The following TAB3 variants were observed in gnomAD, a reference collection of about 807,000 sequenced individuals.
The protein encoded by TAB3 is TGF-beta activated kinase 1 (MAP3K7) binding protein 3.
A neutral mutation model predicts 48.1 loss-of-function variants in TAB3; 18 were observed. The ratio of observed to expected loss-of-function variants is 0.37; its 90% CI spans 0.26 to 0.55. The LOEUF (loss-of-function observed/expected upper bound fraction) is 0.55, where lower values mean the gene tolerates loss of function less well. Ranked by LOEUF, TAB3 falls within the 20% of genes least tolerant of loss-of-function variation. The pLI, the probability that TAB3 is intolerant of heterozygous loss-of-function variation, is 0.78. For synonymous variants in TAB3, 185 were observed against 190.2 expected (o/e 0.97, Z 0.22); for missense variants, 414 against 549.8 (o/e 0.75, Z 2.47).
At chrX:30,841,870 G>A (rs956434167) in intron 9 of TAB3, among the ~76,000 whole-genome samples, 3 of 111,965 alleles carry the variant, frequency 2.7e-5, no homozygotes, top group African/African-American at 6.5e-5. Flanking sequence ...GTACAGTGGC[G>A]CGATCTCGGC....
At chrX:30,839,741 A>G (rs7884942) in intron 9 of TAB3, among the ~76,000 whole-genome samples, 9,694 of 109,078 alleles carry the variant, frequency 0.089, 1,051 homozygotes, top group African/African-American at 0.31. Flanking sequence ...AAAAACAAAA[A>G]AGAAATACGG....
Position 30,828,302 on chromosome X carries a change from T to C in TAB3, c.*3125A>G, listed in dbSNP as rs776099611. On this transcript the variant is annotated 3_prime_UTR_variant, in exon 11 of 11. Coordinates refer to ENST00000288422, the MANE Select transcript of TAB3 (RefSeq NM_152787.5). ...AAAATTTAAGGAAACATTGATTTAT[T>C]TGCATAATTAAAAAGTACTAAAATT... 7.9e-5 allele frequency: 9 copies of C among 114,111 alleles called. No individual in the cohort carries two copies. The highest frequency in any genetic ancestry group is 6.6e-4 in the Admixed American group (7 of 10,560). 9.4% of individuals were successfully genotyped at this position (114,111 alleles called of 1,213,427 possible). A position where few individuals can be genotyped will look rare whatever the true frequency, so the allele number is the denominator to read the frequency against.
intron 10 of TAB3, 26 bp from the exon 11 acceptor site, chrX:30,831,601 AG>A (rs755673179): frequency 1.5e-5 from 18 of 1,191,665 alleles, no homozygotes; most frequent in Middle Eastern, 2.4e-4. Flanking sequence ...ATTAAGGGGG[AG>A]GGGGAAGGTA....
intron 1 of TAB3, among the ~76,000 whole-genome samples, chrX:30,887,029 T>A (rs764728959): frequency 1.3e-4 from 15 of 112,162 alleles, no homozygotes; most frequent in African/African-American, 4.9e-4. Context: ...AAAACCTTTG[T>A]ATCAAATTAT....
chrX:30,834,046 C>T lies in TAB3; in HGVS notation c.1990+5G>A. ...TGCACAAACTCTGGACACACAAGTA[C>T]AAACCATCTGCAGCTGCTGCCTGGG... On this transcript the variant is annotated splice_donor_5th_base_variant and intron_variant, in intron 10 of 10. Transcript: ENST00000288422. 2 of 1,207,421 alleles carry T rather than the reference C, an allele frequency of 1.7e-6. No individual in the cohort carries two copies. Among genetic ancestry groups the T allele is most frequent in the Non-Finnish European group, 1.1e-6 (1 of 891,835 alleles).
intron 7 of TAB3, 88 bp from the exon 8 acceptor site, chrX:30,846,732 G>A (rs1938635941): frequency 7.2e-6 from 4 of 555,028 alleles, no homozygotes; most frequent in Admixed American, 2.8e-5. Context: ...TAATTGTAAT[G>A]ATTGGGTATT....
chrX:30,845,063 G>A (rs1483586931), intron 8 of TAB3: 1 of 112,680 alleles, frequency 8.9e-6, no homozygotes, highest in African/African-American at 3.2e-5. Flanking sequence ...AGGCTCAAGT[G>A]ATCCTCTCAC....
intron 1 of TAB3, among the ~76,000 whole-genome samples, chrX:30,885,619 A>C (rs981680852): frequency 4.5e-5 from 5 of 111,535 alleles, no homozygotes; most frequent in African/African-American, 1.6e-4. Context: ...GGCAGCTGAA[A>C]GGAGTGAGGA....
rs781598195 is a variant in TAB3, at chrX:30,872,909, T to C, written c.-382-1108A>G. Among the ~76,000 whole-genome samples, 162 of 111,176 alleles carry C rather than the reference T, an allele frequency of 1.5e-3. 1 individual carries two copies. The highest frequency in any genetic ancestry group is 0.011 in the South Asian group (29 of 2,647). On this transcript the variant is annotated intron_variant, in intron 1 of 10. Transcript: ENST00000288422. ...ACTCTTGCCCACCCCTCCAAGAAAATATATTATGAACCTAATTAAGCATAT... is the reference window on the plus strand; with the variant it reads ...ACTCTTGCCCACCCCTCCAAGAAAACATATTATGAACCTAATTAAGCATAT...
At chrX:30,856,407 T>C (rs937875926) in intron 5 of TAB3, among the ~76,000 whole-genome samples, 1 of 112,247 alleles carries the variant, frequency 8.9e-6, no homozygotes, top group Non-Finnish European at 1.9e-5. Context: ...CTGACACTTT[T>C]GAAGTTCCAA....
At chrX:30,885,939 G>GT (rs1275012427) in intron 1 of TAB3, among the ~76,000 whole-genome samples, 3 of 111,581 alleles carry the variant, frequency 2.7e-5, no homozygotes, top group Non-Finnish European at 5.6e-5. Context: ...AAAGACTTCA[G>GT]TGTCAATGGA....
chrX:30,844,746 T>TCA (rs1938566130), intron 8 of TAB3: 1 of 112,680 alleles, frequency 8.9e-6, no homozygotes, highest in Non-Finnish European at 1.9e-5. Context: ...TGCTCAATTC[T>TCA]CACATTCAAA....
In TAB3 at chrX:30,828,606, A is replaced by C. The variant is rs1008980408; in HGVS notation, c.*2821T>G. ...TACTCCAAAATTTAAGGGGCAATGTACTTTAACAAAATGGCAAACGTGCTT... is the reference window on the plus strand; with the variant it reads ...TACTCCAAAATTTAAGGGGCAATGTCCTTTAACAAAATGGCAAACGTGCTT... On this transcript the variant is annotated 3_prime_UTR_variant, in exon 11 of 11. Transcript: ENST00000288422. The C allele has an allele frequency of 8.9e-6, 1 of 112,814 alleles. No homozygotes were observed. Among genetic ancestry groups the C allele is most frequent in the Non-Finnish European group, 1.9e-5 (1 of 53,505 alleles). The allele number at this position is 112,814 out of a possible 1,213,427, so 9.3% of individuals were successfully genotyped here.
At chrX:30,849,326 C>A (rs1018790033) in intron 7 of TAB3, among the ~76,000 whole-genome samples, 2 of 112,400 alleles carry the variant, frequency 1.8e-5, no homozygotes, top group Admixed American at 9.4e-5. Context: ...AAGATTATTT[C>A]ACTGTTATTC....
intron 7 of TAB3, 140 bp from the exon 8 acceptor site, chrX:30,846,784 A>C (rs1938637626): frequency 2.5e-6 from 1 of 399,620 alleles, no homozygotes; most frequent in Admixed American, 4.3e-5. Context: ...CATGTTTAAG[A>C]AGTCCTATGT....
chrX:30,876,787 C>A (rs1178667876), intron 1 of TAB3, among the ~76,000 whole-genome samples: 2 of 111,109 alleles, frequency 1.8e-5, no homozygotes, highest in Non-Finnish European at 3.8e-5. Flanking sequence ...AAAACCGAAA[C>A]TAAGAATTCA....
intron 9 of TAB3, among the ~76,000 whole-genome samples, chrX:30,841,521 T>C (rs1293863226): frequency 1.0e-5 from 1 of 95,651 alleles, no homozygotes; most frequent in Non-Finnish European, 2.3e-5. Flanking sequence ...TTGCAACTTA[T>C]AAATAAAAAA....
rs746967488 is a variant in TAB3 at position 30,886,415 on chromosome X, G to A, written c.-383+2699C>T. Among the ~76,000 whole-genome samples the A allele has an allele frequency of 3.1e-4, 34 of 110,697 alleles. No individual in the cohort carries two copies. The South Asian group carries it at 4.2e-3, about 14-fold the overall frequency. Reference sequence around the variant, plus strand: ...AGTAAGGAAGTATATTTTATTTAACGCTTTCTTGGGAGTATAACTATATTT... The same window carrying A: ...AGTAAGGAAGTATATTTTATTTAACACTTTCTTGGGAGTATAACTATATTT... On this transcript the variant is annotated intron_variant, in intron 1 of 10. Coordinates refer to ENST00000288422, the MANE Select transcript of TAB3 (RefSeq NM_152787.5).
At chrX:30,838,328 T>C (rs186311094) in intron 9 of TAB3, among the ~76,000 whole-genome samples, 2 of 111,890 alleles carry the variant, frequency 1.8e-5, no homozygotes, top group East Asian at 5.6e-4. Context: ...GGCTAATTTT[T>C]AAATTTTTTT....
Sources: gnomAD v4.1 joint callset for allele counts (sites outside exome capture counted in the v4.1 genomes callset) on GRCh38, gnomAD v4.1.1 for gene constraint, MANE v1.5 for transcripts, NCBI Gene and HGNC (gene_info 2026-07-23, HGNC 2026-07-21) for gene names.